The following DIPK2B variants were observed in gnomAD, a reference collection of about 807,000 sequenced individuals.
DIPK2B encodes UPF0672 protein CXorf36.
A neutral mutation model predicts 22.2 loss-of-function variants in DIPK2B; 15 were observed. The ratio of observed to expected loss-of-function variants is 0.68; its 90% CI spans 0.45 to 1.04. The LOEUF is 1.04. DIPK2B is among the 50% of genes least tolerant of loss of function. The probability of loss-of-function intolerance (pLI) is 0.00; values close to 1 mark genes in which losing one functional copy is unlikely to be tolerated. For synonymous variants in DIPK2B, 163 were observed against 153.2 expected, an observed-to-expected ratio of 1.06 and a Z score of -0.47; for missense variants, 345 against 348.3, an observed-to-expected ratio of 0.99 and a Z score of 0.08.
intron 2 of DIPK2B, among the ~76,000 whole-genome samples, chrX:45,169,916 T>G (rs770367567): frequency 5.4e-5 from 6 of 111,548 alleles, no homozygotes; most frequent in Non-Finnish European, 1.1e-4. Context: ...TTAATCAGAC[T>G]GGACATTCAG....
chrX:45,188,094 T>C (rs1174624009), intron 2 of DIPK2B, among the ~76,000 whole-genome samples: 2 of 111,803 alleles, frequency 1.8e-5, no homozygotes, highest in Non-Finnish European at 3.8e-5. Flanking sequence ...CATCCTATAA[T>C]AGCTCCCCAG....
intron 1 of DIPK2B, among the ~76,000 whole-genome samples, chrX:45,193,908 C>T (rs1742785697): frequency 9.1e-6 from 1 of 110,181 alleles, no homozygotes; most frequent in Admixed American, 9.7e-5. Flanking sequence ...CAAACCCACC[C>T]CTACTCCCCA....
At chrX:45,158,565 TTC>T (rs1491334848) in intron 2 of DIPK2B, among the ~76,000 whole-genome samples, 1 of 110,824 alleles carries the variant, frequency 9.0e-6, no homozygotes, top group African/African-American at 3.3e-5. Flanking sequence ...GCTTTTTTTT[TTC>T]TCTCATGACT....
At chrX:45,188,878 G>A (rs1006212842) in intron 2 of DIPK2B, among the ~76,000 whole-genome samples, 4 of 111,435 alleles carry the variant, frequency 3.6e-5, no homozygotes, top group African/African-American at 9.8e-5. Flanking sequence ...TGAGCACAAT[G>A]TTTTCAAGGT....
chrX:45,188,509 G>A (rs947046557), intron 2 of DIPK2B, among the ~76,000 whole-genome samples: 7 of 112,238 alleles, frequency 6.2e-5, no homozygotes, highest in Admixed American at 1.9e-4. Context: ...CCCATCACAA[G>A]GCTCTAAGTG....
intron 2 of DIPK2B, among the ~76,000 whole-genome samples, chrX:45,168,803 C>CA (rs2047063350): frequency 8.9e-6 from 1 of 111,922 alleles, no homozygotes; most frequent in African/African-American, 3.3e-5. Context: ...GCGGAGCGGT[C>CA]TCTGCTGGAT....
chrX:45,157,778 G>C lies in DIPK2B; in HGVS notation c.609C>G (p.Thr203=), dbSNP rs780753232. The change falls in exon 3 of 5, where the codon ACC becomes ACG. Residue 203 remains threonine (T), a synonymous_variant. Coordinates refer to ENST00000398000, the MANE Select transcript of DIPK2B (RefSeq NM_176819.4). ...AGAGCAGGCGCAGCTTGTCACGGTC[G>C]GTGAAGTGGTCCATGAAGATGCTGC... ...DAGSIFMDHF[T]DRDKLRLLYT... 41 of 1,193,754 alleles carry C rather than the reference G, an allele frequency of 3.4e-5. No homozygotes were observed. The highest frequency in any genetic ancestry group is 3.3e-5 in the Non-Finnish European group (29 of 887,164).
chrX:45,151,322 C>T lies in DIPK2B; in HGVS notation c.*330G>A. The T allele has an allele frequency of 4.0e-6, 1 of 247,602 alleles. No homozygotes were observed. Among genetic ancestry groups the T allele is most frequent in the Non-Finnish European group, 7.1e-6 (1 of 140,392 alleles). 20.4% of individuals were successfully genotyped at this position (247,602 alleles called of 1,213,427 possible). A position where few individuals can be genotyped will look rare whatever the true frequency, so the allele number is the denominator to read the frequency against. ...GTGAGCATGTGTCCCAAGACCCATG[C>T]TTGGGATATATGCTCAGTGGTGGCT... On this transcript the variant is annotated 3_prime_UTR_variant, in exon 5 of 5. Transcript: ENST00000398000.
chrX:45,166,720 G>A (rs2047050799), intron 2 of DIPK2B, among the ~76,000 whole-genome samples: 1 of 111,833 alleles, frequency 8.9e-6, no homozygotes, highest in Admixed American at 9.5e-5. Flanking sequence ...TTGCTCAGAT[G>A]GAAACAAGTG....
intron 2 of DIPK2B, among the ~76,000 whole-genome samples, chrX:45,175,147 A>G (rs138481862): frequency 0.018 from 1,989 of 111,886 alleles, 24 homozygotes; most frequent in Non-Finnish European, 0.026. Context: ...TGACAAATGT[A>G]TGTGAAGCAT....
intron 2 of DIPK2B, among the ~76,000 whole-genome samples, chrX:45,171,859 C>T (rs913675001): frequency 8.9e-6 from 1 of 112,629 alleles, no homozygotes; most frequent in Admixed American, 9.3e-5. Flanking sequence ...ACCTCTGCCT[C>T]GGCAAATAAT....
At chrX:45,196,764 G>C (rs2047241197) in intron 1 of DIPK2B, among the ~76,000 whole-genome samples, 1 of 111,339 alleles carries the variant, frequency 9.0e-6, no homozygotes, top group Non-Finnish European at 1.9e-5. Flanking sequence ...CAATTGATGT[G>C]ACTTCTCAGG....
In DIPK2B at chrX:45,191,882, C is replaced by G. The variant is rs758489331; in HGVS notation, c.367G>C (p.Glu123Gln). The G allele has an allele frequency of 1.7e-6, 2 of 1,212,000 alleles. No homozygotes were observed. The highest frequency in any genetic ancestry group is 3.5e-5 in the South Asian group (2 of 57,015). The change falls in exon 2 of 5, where the codon GAG (glutamate) becomes CAG (glutamine). Residue 123 changes from glutamate (E) to glutamine (Q), a missense_variant. Coordinates refer to ENST00000398000, the MANE Select transcript of DIPK2B (RefSeq NM_176819.4). The part of the protein sequence containing the change: ...IFRLVSKYQN[E>Q]ISDRRICASA... ...GCACAGATTCTCCTGTCTGAGATCT[C>G]GTTTTGATATTTGCTGACCAGTCTA... is the stretch of plus-strand genomic sequence containing the variant.
intron 2 of DIPK2B, among the ~76,000 whole-genome samples, chrX:45,186,698 A>G (rs1488001263): frequency 8.9e-6 from 1 of 112,261 alleles, no homozygotes; most frequent in Admixed American, 9.4e-5. Flanking sequence ...CCAGCTGTGA[A>G]TCCAACATAA....
intron 2 of DIPK2B, among the ~76,000 whole-genome samples, chrX:45,186,420 T>C (rs1225924378): frequency 2.7e-5 from 3 of 111,790 alleles, no homozygotes; most frequent in Non-Finnish European, 5.6e-5. Flanking sequence ...TGTGCGCTGA[T>C]ATCCAGGGAA....
At chrX:45,177,842 C>G (rs1330049541) in intron 2 of DIPK2B, among the ~76,000 whole-genome samples, 2 of 111,285 alleles carry the variant, frequency 1.8e-5, no homozygotes, top group African/African-American at 6.5e-5. Context: ...GGAGTTAGAA[C>G]AGGTATGGAT....
chrX:45,193,570 G>A (rs2047223379), intron 1 of DIPK2B, among the ~76,000 whole-genome samples: 2 of 111,886 alleles, frequency 1.8e-5, no homozygotes, highest in African/African-American at 6.5e-5. Context: ...GGACAGCCCA[G>A]GCCTCTGAAT....
intron 2 of DIPK2B, among the ~76,000 whole-genome samples, chrX:45,181,518 A>G (rs1434163946): frequency 8.9e-6 from 1 of 112,314 alleles, no homozygotes; most frequent in East Asian, 2.8e-4. Context: ...TAATACACCA[A>G]TGGAATACAA....
At chrX:45,171,839 T>TGGTAATCATACCTC (rs1352242042) in intron 2 of DIPK2B, among the ~76,000 whole-genome samples, 1 of 112,643 alleles carries the variant, frequency 8.9e-6, no homozygotes, top group East Asian at 2.8e-4. Flanking sequence ...AATCATGCCT[T>TGGTAATCATACCTC]GGTAATCATA....
Sources: allele counts gnomAD v4.1 joint callset (sites outside exome capture counted in the v4.1 genomes callset), GRCh38; gene constraint gnomAD v4.1.1; transcripts MANE v1.5; gene names NCBI Gene and HGNC (gene_info 2026-07-23, HGNC 2026-07-21).